The following C12orf42 variants were observed in gnomAD, a reference collection of about 807,000 sequenced individuals.
The protein encoded by C12orf42 is uncharacterized protein C12orf42.
A neutral mutation model predicts 21.6 loss-of-function variants in C12orf42; 25 were observed. The observed-to-expected ratio is 1.16, with a 90% confidence interval of 0.84 to 1.62. C12orf42 has a LOEUF of 1.62. Among genes scored for constraint, C12orf42 ranks in the 40% most tolerant of loss-of-function variants. The probability of loss-of-function intolerance (pLI) is 0.00; values close to 1 mark genes in which losing one functional copy is unlikely to be tolerated. For synonymous variants in C12orf42, 174 were observed against 175.0 expected, an observed-to-expected ratio of 0.99 and a Z score of 0.05; for missense variants, 483 against 459.3, an observed-to-expected ratio of 1.05 and a Z score of -0.47.
chr12:103,129,529 G>A, the C12orf42 span, among the ~76,000 whole-genome samples: 5 of 152,152 alleles, frequency 3.3e-5, no homozygotes, highest in Non-Finnish European at 7.4e-5. Flanking sequence ...GATAACCAAC[G>A]TATTACTTTA....
chr12:103,163,656 T>C, the C12orf42 span, among the ~76,000 whole-genome samples: 146 of 152,298 alleles, frequency 9.6e-4, no homozygotes, highest in African/African-American at 2.9e-3. Context: ...CTAGATCTTT[T>C]ACAAAATTAT....
the C12orf42 span, among the ~76,000 whole-genome samples, chr12:103,189,123 A>G: frequency 6.6e-6 from 1 of 152,236 alleles, no homozygotes; most frequent in Admixed American, 6.5e-5. Context: ...GAAAAATTAA[A>G]AACATGAGAC....
At chr12:103,305,309 A>G (rs2038165728) in intron 5 of C12orf42, among the ~76,000 whole-genome samples, 1 of 152,170 alleles carries the variant, frequency 6.6e-6, no homozygotes, top group Non-Finnish European at 1.5e-5. Flanking sequence ...TCTGAACATC[A>G]GCACCATAAG....
At chr12:103,238,589 T>G (rs970994604) in intron 10 of C12orf42, among the ~76,000 whole-genome samples, 2 of 152,154 alleles carry the variant, frequency 1.3e-5, no homozygotes, top group Non-Finnish European at 2.9e-5. Flanking sequence ...AAGGATAAAC[T>G]CCAGCTGGAA....
intron 10 of C12orf42, among the ~76,000 whole-genome samples, chr12:103,242,492 T>G (rs2033797429): frequency 6.6e-6 from 1 of 152,136 alleles, no homozygotes. Flanking sequence ...TTTTTAATAC[T>G]TCACCCTGTC....
chr12:103,238,527 C>A (rs986381649), intron 10 of C12orf42, among the ~76,000 whole-genome samples: 3 of 152,220 alleles, frequency 2.0e-5, no homozygotes, highest in African/African-American at 7.2e-5. Flanking sequence ...AGAGCAGCTA[C>A]ACTGCTTGGA....
chr12:103,437,414 C>A (rs1027789411), intron 2 of C12orf42, among the ~76,000 whole-genome samples: 1 of 151,420 alleles, frequency 6.6e-6, no homozygotes, highest in African/African-American at 2.4e-5. Context: ...CAGAGCAGAA[C>A]TGAAGGAAAT....
At chr12:103,528,178 GGATA>G in the C12orf42 span, among the ~76,000 whole-genome samples, 1 of 152,110 alleles carries the variant, frequency 6.6e-6, no homozygotes, top group African/African-American at 2.4e-5. Context: ...CCAAACATAG[GGATA>G]GATATAGACA....
chr12:103,078,563 A>G, the C12orf42 span, among the ~76,000 whole-genome samples: 2 of 152,210 alleles, frequency 1.3e-5, no homozygotes, highest in African/African-American at 4.8e-5. Flanking sequence ...CAAACATAAT[A>G]GTCAACTGTA....
At chr12:103,373,283 G>C (rs1023208465) in intron 3 of C12orf42, among the ~76,000 whole-genome samples, 1 of 152,152 alleles carries the variant, frequency 6.6e-6, no homozygotes, top group Non-Finnish European at 1.5e-5. Context: ...CCTCCCCTTT[G>C]TTGGGAAATA....
At chr12:103,168,081 G>T in the C12orf42 span, 1 of 455,660 alleles carries the variant, frequency 2.2e-6, no homozygotes, top group Non-Finnish European at 4.4e-6. Context: ...CATTATTGTG[G>T]ATACTTTTAT....
chr12:103,149,083 A>C, the C12orf42 span, among the ~76,000 whole-genome samples: 1 of 152,154 alleles, frequency 6.6e-6, no homozygotes, highest in Admixed American at 6.5e-5. Flanking sequence ...TTGATACCTA[A>C]ATATTTACTT....
At chr12:103,262,915 A>G (rs2034970709) in intron 10 of C12orf42, among the ~76,000 whole-genome samples, 1 of 152,230 alleles carries the variant, frequency 6.6e-6, no homozygotes, top group Admixed American at 6.5e-5. Context: ...AATGTCCATC[A>G]ATGATAGACT....
the C12orf42 span, among the ~76,000 whole-genome samples, chr12:103,112,834 C>T: frequency 1.3e-5 from 2 of 152,088 alleles, no homozygotes; most frequent in African/African-American, 4.8e-5. Flanking sequence ...TGATACTTCT[C>T]TTCTATTATC....
At chr12:103,252,170 C>G (rs2034340636) in intron 10 of C12orf42, among the ~76,000 whole-genome samples, 1 of 152,126 alleles carries the variant, frequency 6.6e-6, no homozygotes, top group Non-Finnish European at 1.5e-5. Flanking sequence ...ATATGTGCCA[C>G]ATTTTCTTTA....
intron 2 of C12orf42, among the ~76,000 whole-genome samples, chr12:103,463,693 C>T (rs945270352): frequency 6.6e-6 from 1 of 152,148 alleles, no homozygotes; most frequent in African/African-American, 2.4e-5. Flanking sequence ...ATTAGCCCAT[C>T]ACCTAGGTAT....
chr12:103,552,640 G>C, the C12orf42 span, among the ~76,000 whole-genome samples: 1 of 152,164 alleles, frequency 6.6e-6, no homozygotes, highest in Admixed American at 6.5e-5. Context: ...ACAAATACTG[G>C]GTCCATTTAC....
At chr12:103,539,372 T>C in the C12orf42 span, among the ~76,000 whole-genome samples, 20 of 148,516 alleles carry the variant, frequency 1.3e-4, no homozygotes, top group East Asian at 1.2e-3. Flanking sequence ...CTTTTTTTTT[T>C]AATAAGGAAA....
intron 4 of C12orf42, among the ~76,000 whole-genome samples, chr12:103,361,640 C>T (rs550822101): frequency 1.3e-5 from 2 of 152,224 alleles, no homozygotes; most frequent in South Asian, 2.1e-4. Flanking sequence ...GCCCTGCTCA[C>T]CCACTGCCTA....
Sources: allele counts gnomAD v4.1 joint callset (sites outside exome capture counted in the v4.1 genomes callset), GRCh38; gene constraint gnomAD v4.1.1; transcripts MANE v1.5; gene names NCBI Gene and HGNC (gene_info 2026-07-23, HGNC 2026-07-21).